Variants in MOSPD2 observed in about 807,000 individuals in gnomAD.
MOSPD2 encodes the protein motile sperm domain-containing protein 2.
A neutral mutation model predicts 41.7 loss-of-function variants in MOSPD2; 5 were observed. That is an observed-to-expected ratio of 0.12 (90% CI 0.06 to 0.25). The LOEUF (loss-of-function observed/expected upper bound fraction) is 0.25. MOSPD2 is among the 10% of genes least tolerant of loss of function. The pLI is 1.00. For missense variants in MOSPD2, 282 were observed against 375.2 expected (o/e 0.75, Z 2.05); for synonymous variants, 115 against 126.9 (o/e 0.91, Z 0.63).
rs769255922 is a variant in MOSPD2, at chrX:14,873,743, G to A, written c.64G>A (p.Ala22Thr). The change falls in exon 2 of 15, where the codon GCT (alanine) becomes ACT (threonine). Residue 22 changes from alanine to threonine, a missense_variant. Transcript: ENST00000380492. ...LISETRRRFE[A>T]EYVTDKSDKY... is the part of the protein sequence containing the mutation. ...CTCTGAGACCCGGAGGAGGTTCGAA[G>A]CTGAGTATGTGACAGGTGGGTACTC... The A allele has an allele frequency of 8.3e-7, 1 of 1,208,894 alleles. No homozygotes were observed. The highest frequency in any genetic ancestry group is 1.8e-5 in the South Asian group (1 of 56,966).
intron 13 of MOSPD2, among the ~76,000 whole-genome samples, chrX:14,917,900 G>A (rs1444557384): frequency 2.7e-5 from 3 of 111,878 alleles, no homozygotes; most frequent in East Asian, 5.6e-4. Context: ...AATAGATTAT[G>A]AACAGTGAAA....
chrX:14,902,945 G>T, intron 6 of MOSPD2, 21 bp from the exon 7 acceptor site: 1 of 1,127,511 alleles, frequency 8.9e-7, no homozygotes, highest in South Asian at 1.8e-5. Context: ...CACATTCAAT[G>T]AATTTTTTTT....
rs968413419 is a variant in MOSPD2, at chrX:14,900,691, C to G, written c.538+56C>G. 10 of 620,513 alleles carry G rather than the reference C, an allele frequency of 1.6e-5. No homozygotes were observed. In the African/African-American group the frequency reaches 1.8e-4, roughly 11 times the overall value. 51.1% of individuals were successfully genotyped at this position (620,513 alleles called of 1,213,427 possible). On this transcript the variant is annotated intron_variant, in intron 6 of 14. Coordinates refer to ENST00000380492, the MANE Select transcript of MOSPD2 (RefSeq NM_152581.4). ...AACATATTGAAACTGTAGACAATGT[C>G]TGAGAATTGTGGAGCCTTATGTTAT...
Position 14,921,624 on chromosome X carries a change from G to C in MOSPD2, c.*1815G>C, listed in dbSNP as rs2092609768. 3.8e-6 allele frequency: 1 copy of C among 266,124 alleles called. No individual in the cohort carries two copies. The highest frequency in any genetic ancestry group is 6.5e-6 in the Non-Finnish European group (1 of 153,794). 21.9% of individuals were successfully genotyped at this position (266,124 alleles called of 1,213,427 possible). A position where few individuals can be genotyped will look rare whatever the true frequency, so the allele number is the denominator to read the frequency against. On this transcript the variant is annotated 3_prime_UTR_variant, in exon 15 of 15. Transcript: ENST00000380492. ...AATGTTTCATATGAAAAATTATGTT[G>C]ACCCACTAAAATATCCTTGCTCAAT... is the stretch of plus-strand genomic sequence containing the variant.
chrX:14,887,834 C>T (rs2092544748), intron 2 of MOSPD2, among the ~76,000 whole-genome samples: 1 of 110,954 alleles, frequency 9.0e-6, no homozygotes, highest in Non-Finnish European at 1.9e-5. Context: ...ATATTTAATA[C>T]TGTGTGTTCC....
At chrX:14,901,313 C>T (rs1372340516) in intron 6 of MOSPD2, among the ~76,000 whole-genome samples, 2 of 111,025 alleles carry the variant, frequency 1.8e-5, no homozygotes, top group Non-Finnish European at 3.8e-5. Context: ...TATATTTAAC[C>T]CCAATGGTTT....
In MOSPD2 at chrX:14,921,278, T is replaced by C; in HGVS notation, c.*1469T>C. 2.1e-6 allele frequency: 2 copies of C among 931,694 alleles called. No individual in the cohort carries two copies. Among genetic ancestry groups the C allele is most frequent in the Non-Finnish European group, 2.7e-6 (2 of 752,050 alleles). 76.8% of individuals were successfully genotyped at this position (931,694 alleles called of 1,213,427 possible). On this transcript the variant is annotated 3_prime_UTR_variant, in exon 15 of 15. Coordinates refer to ENST00000380492, the MANE Select transcript of MOSPD2 (RefSeq NM_152581.4). ...AGAAGTTGATTCCAAAACTGAGTTA[T>C]GAAGAATGATATAACAGTTCCTTCA...
At chrX:14,903,214 T>A (rs1352992357) in intron 7 of MOSPD2, among the ~76,000 whole-genome samples, 2 of 111,116 alleles carry the variant, frequency 1.8e-5, no homozygotes, top group African/African-American at 6.5e-5. Flanking sequence ...TTAGTCTTCT[T>A]TAAAAACAGC....
intron 14 of MOSPD2, among the ~76,000 whole-genome samples, chrX:14,918,984 G>A (rs933329365): frequency 1.8e-5 from 2 of 111,973 alleles, no homozygotes; most frequent in African/African-American, 3.2e-5. Flanking sequence ...TTGGGAGGCC[G>A]AGGCAGGAGG....
chrX:14,920,682 T>C lies in MOSPD2; in HGVS notation c.*873T>C. Reference sequence around the variant, plus strand: ...TCACCCCCATTCCAGAGCAGAGGAGTCTCTGTGGACCATGAATTGCACTGT... The same window carrying C: ...TCACCCCCATTCCAGAGCAGAGGAGCCTCTGTGGACCATGAATTGCACTGT... On this transcript the variant is annotated 3_prime_UTR_variant, in exon 15 of 15. Transcript: ENST00000380492. 1 of 753,342 alleles carries C rather than the reference T, an allele frequency of 1.3e-6. No individual in the cohort carries two copies. The highest frequency in any genetic ancestry group is 1.6e-6 in the Non-Finnish European group (1 of 639,035). The allele number at this position is 753,342 out of a possible 1,213,427, so 62.1% of individuals were successfully genotyped here. A position where few individuals can be genotyped will look rare whatever the true frequency, so the allele number is the denominator to read the frequency against.
chrX:14,894,446 A>G (rs2092559514), intron 3 of MOSPD2, among the ~76,000 whole-genome samples: 1 of 107,624 alleles, frequency 9.3e-6, no homozygotes, highest in African/African-American at 3.4e-5. Context: ...CCTCCCAAGT[A>G]GCTGGGACTA....
At chrX:14,916,543 A>G (rs1327787288) in intron 13 of MOSPD2, among the ~76,000 whole-genome samples, 1 of 112,432 alleles carries the variant, frequency 8.9e-6, no homozygotes, top group Non-Finnish European at 1.9e-5. Flanking sequence ...GGATCTGTCC[A>G]GATCACAAAC....
chrX:14,898,929 C>G (rs936833616), intron 5 of MOSPD2, among the ~76,000 whole-genome samples: 4 of 110,089 alleles, frequency 3.6e-5, no homozygotes, highest in African/African-American at 1.3e-4. Context: ...ATAAACATGT[C>G]ACAAAGAATT....
chrX:14,920,124 C>T lies in MOSPD2; in HGVS notation c.*315C>T, dbSNP rs2092607022. On this transcript the variant is annotated 3_prime_UTR_variant, in exon 15 of 15. Coordinates refer to ENST00000380492, the MANE Select transcript of MOSPD2 (RefSeq NM_152581.4). ...AATACTTTTAAAGCTTAAGTTTTAT[C>T]GTGTAAATACATTAGCTAAACTGAA... 3 of 735,696 alleles carry T rather than the reference C, an allele frequency of 4.1e-6. No homozygotes were observed. Among genetic ancestry groups the T allele is most frequent in the African/African-American group, 4.6e-5 (2 of 43,872 alleles). The allele number at this position is 735,696 out of a possible 1,213,427, so 60.6% of individuals were successfully genotyped here. A position where few individuals can be genotyped will look rare whatever the true frequency, so the allele number is the denominator to read the frequency against.
intron 12 of MOSPD2, 120 bp downstream of exon 12, chrX:14,915,884 C>A (rs993349204): frequency 3.1e-6 from 2 of 650,352 alleles, no homozygotes; most frequent in African/African-American, 4.4e-5. Context: ...CAGAGTATCA[C>A]GAGTCACCTC....
chrX:14,920,446 G>A lies in MOSPD2; in HGVS notation c.*637G>A. 1 of 754,055 alleles carries A rather than the reference G, an allele frequency of 1.3e-6. No individual in the cohort carries two copies. The highest frequency in any genetic ancestry group is 1.6e-6 in the Non-Finnish European group (1 of 639,274). The allele number at this position is 754,055 out of a possible 1,213,427, so 62.1% of individuals were successfully genotyped here. ...ACAGCCTGCCTTTTATTAATCTCAG[G>A]CTTTTTTATGAACACTCTCATTTCA... On this transcript the variant is annotated 3_prime_UTR_variant, in exon 15 of 15. Transcript: ENST00000380492.
intron 11 of MOSPD2, among the ~76,000 whole-genome samples, 165 bp downstream of exon 11, chrX:14,914,764 A>G (rs2092597514): frequency 8.9e-6 from 1 of 112,020 alleles, no homozygotes; most frequent in Admixed American, 9.5e-5. Context: ...ACCAAGTCGC[A>G]TAGCTTTATC....
At chrX:14,911,118 A>T (rs768084252) in intron 8 of MOSPD2, 119 bp from the exon 9 acceptor site, 58 of 611,557 alleles carry the variant, frequency 9.5e-5, no homozygotes, top group Non-Finnish European at 1.4e-4. Context: ...CCTTTATTTT[A>T]AATTTCATGA....
intron 10 of MOSPD2, among the ~76,000 whole-genome samples, chrX:14,913,069 T>C (rs2092594580): frequency 8.9e-6 from 1 of 112,268 alleles, no homozygotes; most frequent in Non-Finnish European, 1.9e-5. Context: ...CTTGTTTACA[T>C]ATATTTTGAT....
Sources: gnomAD v4.1 joint callset for allele counts (sites outside exome capture counted in the v4.1 genomes callset) on GRCh38, gnomAD v4.1.1 for gene constraint, MANE v1.5 for transcripts, NCBI Gene and HGNC (gene_info 2026-07-23, HGNC 2026-07-21) for gene names.